The following ABCA6 variants were observed in gnomAD, a reference collection of about 807,000 sequenced individuals.
The protein encoded by ABCA6 is ATP binding cassette subfamily A member 6, also known as ATP-binding cassette sub-family A member 6.
A neutral mutation model predicts 191.2 loss-of-function variants in ABCA6; 164 were observed. The ratio of observed to expected loss-of-function variants is 0.86; its 90% confidence interval spans 0.76 to 0.98. The LOEUF is 0.98. ABCA6 is among the 50% of genes least tolerant of loss of function. The pLI is 0.00. For synonymous variants in ABCA6, 636 were observed against 647.7 expected, an observed-to-expected ratio of 0.98 and a Z score of 0.27; for missense variants, 1,958 against 1,894.1, an observed-to-expected ratio of 1.03 and a Z score of -0.63.
intron 10 of ABCA6, among the ~76,000 whole-genome samples, chr17:69,122,697 A>G (rs1214566503): frequency 6.6e-6 from 1 of 151,972 alleles, no homozygotes; most frequent in African/African-American, 2.4e-5. Context: ...GAGCAAGTAT[A>G]AAAGAGAGGT....
intron 2 of ABCA6, among the ~76,000 whole-genome samples, chr17:69,139,424 A>G (rs1048661337): frequency 9.9e-5 from 15 of 152,254 alleles, no homozygotes; most frequent in East Asian, 3.9e-4. Flanking sequence ...TTAGAATGGC[A>G]ATCATTAAAA....
At chr17:69,137,251 A>G in intron 3 of ABCA6, 45 bp downstream of exon 3, 1 of 1,554,226 alleles carries the variant, frequency 6.4e-7, no homozygotes, top group Non-Finnish European at 8.8e-7. Context: ...TCAACAGTAT[A>G]TAGACATCTA....
At chr17:69,103,241 A>C (rs2073220415) in intron 20 of ABCA6, among the ~76,000 whole-genome samples, 1 of 152,052 alleles carries the variant, frequency 6.6e-6, no homozygotes, top group Non-Finnish European at 1.5e-5. Context: ...GACTTTTGGT[A>C]AACAACAACA....
In ABCA6 at chr17:69,141,783, CA is replaced by C. The variant is rs539374270; in HGVS notation, c.-85del. The C allele has an allele frequency of 3.7e-4, 57 of 152,202 alleles. No individual in the cohort carries two copies. The highest frequency in any genetic ancestry group is 1.3e-3 in the African/African-American group (55 of 41,568). The allele number at this position is 152,202 out of a possible 1,614,324, so 9.4% of individuals were successfully genotyped here. Reference sequence around the variant, plus strand: ...ATAAAAAGCACTCTAGAAACACTGTCAAAACCAGTTCTCTGTTTGTCTAGGT... The same window carrying C: ...ATAAAAAGCACTCTAGAAACACTGTCAAACCAGTTCTCTGTTTGTCTAGGT... On this transcript the variant is annotated 5_prime_UTR_variant, in exon 1 of 39. Transcript: ENST00000284425.
At chr17:69,111,021 C>A in intron 16 of ABCA6, 81 bp from the exon 17 acceptor site, 1 of 1,329,338 alleles carries the variant, frequency 7.5e-7, no homozygotes, top group South Asian at 1.6e-5. Context: ...GAACACCTAG[C>A]TGTTGAGCAC....
chr17:69,088,217 G>C lies in ABCA6; in HGVS notation c.3648C>G (p.Cys1216Trp), dbSNP rs765545513. 3.7e-6 allele frequency: 6 copies of C among 1,612,356 alleles called. No homozygotes were observed. The highest frequency in any genetic ancestry group is 5.1e-6 in the Non-Finnish European group (6 of 1,179,132). The change falls in exon 28 of 39, where the codon TGC becomes TGG. Residue 1216 changes from cysteine to tryptophan, a missense_variant. By Grantham distance (215) the Cys-to-Trp change is radical. Coordinates refer to ENST00000284425, the MANE Select transcript of ABCA6 (RefSeq NM_080284.3). Reference sequence around the variant, plus strand: ...TTTTCTTTCCACATTTTAGTTCCATGCATCTTAGAACAAAAACGAATAGCA... The same window carrying C: ...TTTTCTTTCCACATTTTAGTTCCATCCATCTTAGAACAAAAACGAATAGCA... Reference protein sequence around the residue: ...QTLLFVFVLRCMELKCGKKRM... With the variant: ...QTLLFVFVLRWMELKCGKKRM...
chr17:69,095,296 A>G (rs1344193897), intron 25 of ABCA6: 3 of 183,350 alleles, frequency 1.6e-5, no homozygotes, highest in Admixed American at 5.0e-5. Context: ...TTTCCGAGTA[A>G]GGTGAGCCTA....
chr17:69,091,297 T>C, intron 25 of ABCA6, 35 bp from the exon 26 acceptor site: 1 of 1,599,266 alleles, frequency 6.3e-7, no homozygotes, highest in Non-Finnish European at 8.5e-7. Context: ...GTATCAGACA[T>C]ACTCAACCCA....
Position 69,084,504 on chromosome 17 carries a change from T to TA in ABCA6, c.4187dup (p.Leu1396PhefsTer9). The TA allele has an allele frequency of 6.2e-7, 1 of 1,614,038 alleles. No homozygotes were observed. Among genetic ancestry groups the TA allele is most frequent in the Non-Finnish European group, 8.5e-7 (1 of 1,179,968 alleles). On this transcript the variant is annotated frameshift_variant, in exon 33 of 39. Coordinates refer to ENST00000284425, the MANE Select transcript of ABCA6 (RefSeq NM_080284.3). LOFTEE classifies it high-confidence loss of function. ...GCTCATGCAGTTTGAAAGCACTCACTAATCTGACAGAAAACAGAATGAGAA... is the reference window on the plus strand; with the variant it reads ...GCTCATGCAGTTTGAAAGCACTCACTAAATCTGACAGAAAACAGAATGAGAA...
intron 8 of ABCA6, among the ~76,000 whole-genome samples, chr17:69,127,376 A>G: frequency 6.6e-6 from 1 of 152,140 alleles, no homozygotes; most frequent in Non-Finnish European, 1.5e-5. Context: ...AAATAATGGA[A>G]AAATGTCGGA....
Position 69,107,775 on chromosome 17 carries a change from T to C in ABCA6, c.2310A>G (p.Gly770=). Residue 770 remains glycine (G), a synonymous_variant, in exon 18 of 39, where the codon GGA becomes GGG. Coordinates refer to ENST00000284425, the MANE Select transcript of ABCA6 (RefSeq NM_080284.3). ...FSDLDKCSDQ[G]VTGYDISMST... ...ACATGGAAATGTCATAACCTGTCACTCCCTGGTCAGAACACTTATCCAGAT... is the reference window on the plus strand; with the variant it reads ...ACATGGAAATGTCATAACCTGTCACCCCCTGGTCAGAACACTTATCCAGAT... 1 of 1,612,616 alleles carries C rather than the reference T, an allele frequency of 6.2e-7. No individual in the cohort carries two copies. The highest frequency in any genetic ancestry group is 1.1e-5 in the South Asian group (1 of 90,848).
At chr17:69,135,389 T>G (rs755361235) in intron 4 of ABCA6, 1 of 152,426 alleles carries the variant, frequency 6.6e-6, no homozygotes, top group African/African-American at 2.4e-5. Context: ...CCGGGCTATA[T>G]CTGGAGTGTT....
intron 31 of ABCA6, 92 bp downstream of exon 31, chr17:69,085,533 A>AG (rs1353993296): frequency 9.8e-6 from 8 of 812,708 alleles, no homozygotes; most frequent in South Asian, 2.5e-5. Context: ...AAAAAAAAAA[A>AG]AAGAAAAGAA....
intron 1 of ABCA6, among the ~76,000 whole-genome samples, 188 bp from the exon 2 acceptor site, chr17:69,140,936 T>C (rs2144732363): frequency 6.6e-6 from 1 of 152,236 alleles, no homozygotes; most frequent in African/African-American, 2.4e-5. Context: ...GCAGAGTGAT[T>C]ATTATCACAA....
chr17:69,098,361 G>T (rs988005252), intron 22 of ABCA6: 3 of 218,140 alleles, frequency 1.4e-5, no homozygotes, highest in Non-Finnish European at 2.7e-5. Context: ...AACAAAATGT[G>T]TATGTATATA....
chr17:69,137,315 T>G lies in ABCA6; in HGVS notation c.282A>C (p.Ala94=). ...ACCTACCTTTCAAAAGAGGAGCAAGTGCTGTTTTATTCATTATCTGCTGGG... is the reference window on the plus strand; with the variant it reads ...ACCTACCTTTCAAAAGAGGAGCAAGGGCTGTTTTATTCATTATCTGCTGGG... ...NLTQQIMNKT[A]LAPLLKGTSV... Residue 94 remains alanine, a synonymous_variant, in exon 3 of 39, where the codon GCA becomes GCC. Coordinates refer to ENST00000284425, the MANE Select transcript of ABCA6 (RefSeq NM_080284.3). 1 of 1,612,760 alleles carries G rather than the reference T, an allele frequency of 6.2e-7. No individual in the cohort carries two copies. Among genetic ancestry groups the G allele is most frequent in the Non-Finnish European group, 8.5e-7 (1 of 1,179,572 alleles).
rs559986038 is a variant in ABCA6, at chr17:69,110,672, T to C, written c.2272+129A>G. On this transcript the variant is annotated intron_variant, in intron 17 of 38. Transcript: ENST00000284425. ...AATCAGTGGCACTCAATCCTTCCTC[T>C]TGAGTTCTGCTTCTCAGGTGGCCAA... 1.1e-4 allele frequency: 124 copies of C among 1,082,116 alleles called. No homozygotes were observed. The South Asian group carries it at 2.0e-3, about 17-fold the overall frequency. 67.0% of individuals were successfully genotyped at this position (1,082,116 alleles called of 1,614,324 possible).
intron 23 of ABCA6, among the ~76,000 whole-genome samples, chr17:69,097,320 G>A (rs1271299854): frequency 6.6e-6 from 1 of 151,766 alleles, no homozygotes; most frequent in African/African-American, 2.4e-5. Context: ...GAACCCGGGA[G>A]GCGGAGTTTG....
At chr17:69,127,120 T>G (rs558045097) in intron 8 of ABCA6, among the ~76,000 whole-genome samples, 37 of 152,294 alleles carry the variant, frequency 2.4e-4, no homozygotes, top group South Asian at 6.2e-4. Flanking sequence ...ATATTGCCTC[T>G]ACCTATACAC....
Sources: gnomAD v4.1 joint callset for allele counts (sites outside exome capture counted in the v4.1 genomes callset) on GRCh38, gnomAD v4.1.1 for gene constraint, MANE v1.5 for transcripts, NCBI Gene and HGNC (gene_info 2026-07-23, HGNC 2026-07-21) for gene names.